Variants in WWC2 observed in about 807,000 individuals in gnomAD.
The protein encoded by WWC2 is protein WWC2.
A neutral mutation model predicts 138.5 loss-of-function variants in WWC2; 101 were observed. That is an observed-to-expected ratio of 0.73 (90% CI 0.62 to 0.86). The LOEUF is 0.86. WWC2 is among the 40% of genes least tolerant of loss of function. The probability of loss-of-function intolerance (pLI) is 0.00; values close to 1 mark genes in which losing one functional copy is unlikely to be tolerated. For missense variants in WWC2, 1,420 were observed against 1,419.4 expected, an observed-to-expected ratio of 1.00 and a Z score of -0.01; for synonymous variants, 558 against 538.4, an observed-to-expected ratio of 1.04 and a Z score of -0.50.
At chr4:183,271,470 C>A (rs185245131) in intron 16 of WWC2, among the ~76,000 whole-genome samples, 295 of 152,250 alleles carry the variant, frequency 1.9e-3, no homozygotes, top group South Asian at 3.7e-3. Flanking sequence ...GCACTCTTTT[C>A]TGCTCACACT....
chr4:183,108,359 C>T (rs1732112195), intron 1 of WWC2, among the ~76,000 whole-genome samples: 1 of 151,900 alleles, frequency 6.6e-6, no homozygotes, highest in Non-Finnish European at 1.5e-5. Flanking sequence ...CGTAGTAACT[C>T]CAGTCTAATC....
At chr4:183,238,506 T>C (rs1227691545) in intron 4 of WWC2, among the ~76,000 whole-genome samples, 2 of 152,222 alleles carry the variant, frequency 1.3e-5, no homozygotes, top group Non-Finnish European at 2.9e-5. Context: ...CAACGTGGCA[T>C]CTGTGTATCA....
rs73870397 is a variant in WWC2, at chr4:183,248,675, T to A, written c.733-39T>A. On this transcript the variant is annotated intron_variant, in intron 6 of 22. Coordinates refer to ENST00000403733, the MANE Select transcript of WWC2 (RefSeq NM_024949.6). Reference sequence around the variant, plus strand: ...TGGTAGGGAAGGTTTGCTGTCTTACTTGTTAAGCTTTATGAAACACTTTGT... The same window carrying A: ...TGGTAGGGAAGGTTTGCTGTCTTACATGTTAAGCTTTATGAAACACTTTGT... 12,556 of 1,533,338 alleles carry A rather than the reference T, an allele frequency of 8.2e-3. 848 individuals are homozygous for A. In the African/African-American group the frequency reaches 0.15, roughly 18 times the overall value. The allele number at this position is 1,533,338 out of a possible 1,614,324, so 95.0% of individuals were successfully genotyped here. A position where few individuals can be genotyped will look rare whatever the true frequency, so the allele number is the denominator to read the frequency against.
intron 4 of WWC2, among the ~76,000 whole-genome samples, chr4:183,214,684 A>C (rs1309734482): frequency 1.3e-5 from 2 of 151,822 alleles, no homozygotes; most frequent in African/African-American, 2.4e-5. Context: ...CCCAGCTACT[A>C]GGGAGGCTGA....
In WWC2 at chr4:183,247,589, A is replaced by ATACAC. The variant is rs1368113087; in HGVS notation, c.733-1123_733-1122insCACTA. On this transcript the variant is annotated intron_variant, in intron 6 of 22. Coordinates refer to ENST00000403733, the MANE Select transcript of WWC2 (RefSeq NM_024949.6). ...ATATGCTCTATATACTATATACTAT[A>ATACAC]TATATGCTATATATGCTATATATAC... Among the ~76,000 whole-genome samples, 150 of 138,238 alleles carry ATACAC rather than the reference A, an allele frequency of 1.1e-3. 2 individuals are homozygous for ATACAC. Among genetic ancestry groups the ATACAC allele is most frequent in the African/African-American group, 4.0e-3 (143 of 35,624 alleles). 90.7% of individuals were successfully genotyped at this position (138,238 alleles called of 152,430 possible). A position where few individuals can be genotyped will look rare whatever the true frequency, so the allele number is the denominator to read the frequency against.
intron 1 of WWC2, among the ~76,000 whole-genome samples, chr4:183,110,433 T>A (rs1250049766): frequency 2.0e-5 from 1 of 50,434 alleles, no homozygotes; most frequent in African/African-American, 4.9e-5. Flanking sequence ...TGTAGAGCTA[T>A]TTTTTTTTTT....
chr4:183,283,888 A>G (rs775433517), intron 18 of WWC2, among the ~76,000 whole-genome samples: 1 of 152,252 alleles, frequency 6.6e-6, no homozygotes, highest in Non-Finnish European at 1.5e-5. Context: ...GATTCTTTAT[A>G]GAATCACTTT....
rs10012960 is a variant in WWC2 at position 183,142,273 on chromosome 4, T to C, written c.131+42651T>C. The stretch of plus-strand genomic sequence containing the variant: ...CAATAAATGTTAAATATTGCTGTTA[T>C]TAATGTGAATAAGGTCCAGATTTAA... On this transcript the variant is annotated intron_variant, in intron 1 of 22. Coordinates refer to ENST00000403733, the MANE Select transcript of WWC2 (RefSeq NM_024949.6). Among the ~76,000 whole-genome samples the C allele has an allele frequency of 3.3e-3, 500 of 152,354 alleles. 6 individuals are homozygous for C. The highest frequency in any genetic ancestry group is 0.01 in the African/African-American group (419 of 41,594).
chr4:183,266,839 T>C (rs1165577015), intron 14 of WWC2, among the ~76,000 whole-genome samples: 1 of 152,168 alleles, frequency 6.6e-6, no homozygotes, highest in Non-Finnish European at 1.5e-5. Flanking sequence ...TCCTTAATGA[T>C]AGAGTATATT....
chr4:183,137,351 T>A (rs1733153014), intron 1 of WWC2, among the ~76,000 whole-genome samples: 1 of 152,182 alleles, frequency 6.6e-6, no homozygotes, highest in South Asian at 2.1e-4. Context: ...GTCCTTGTTC[T>A]ATAAGCTTTT....
chr4:183,241,748 A>G (rs1736629871), intron 5 of WWC2, among the ~76,000 whole-genome samples: 1 of 151,590 alleles, frequency 6.6e-6, no homozygotes, highest in Non-Finnish European at 1.5e-5. Context: ...TTATTTAGTA[A>G]TTGTTTATCA....
chr4:183,230,104 A>G lies in WWC2; in HGVS notation c.523-10079A>G, dbSNP rs1271105150. Among the ~76,000 whole-genome samples the G allele has an allele frequency of 2.0e-5, 3 of 152,034 alleles. 1 individual carries two copies. Among genetic ancestry groups the G allele is most frequent in the African/African-American group, 7.3e-5 (3 of 41,316 alleles). On this transcript the variant is annotated intron_variant, in intron 4 of 22. Coordinates refer to ENST00000403733, the MANE Select transcript of WWC2 (RefSeq NM_024949.6). ...CCTCTCAAATTAAATTGGGATTAGA[A>G]GCGTGAGCCACCACACCCAGCCTCC...
At chr4:183,136,639 C>T (rs1378315725) in intron 1 of WWC2, among the ~76,000 whole-genome samples, 2 of 152,170 alleles carry the variant, frequency 1.3e-5, no homozygotes, top group African/African-American at 2.4e-5. Flanking sequence ...TTATCCAACC[C>T]GTGGCCTGCG....
chr4:183,215,835 T>C (rs1268649730), intron 4 of WWC2, among the ~76,000 whole-genome samples: 2 of 152,204 alleles, frequency 1.3e-5, no homozygotes, highest in African/African-American at 2.4e-5. Context: ...AATGCCCTTA[T>C]ATCCATAATG....
chr4:183,230,457 A>G (rs1270346512), intron 4 of WWC2, among the ~76,000 whole-genome samples: 1 of 152,198 alleles, frequency 6.6e-6, no homozygotes, highest in African/African-American at 2.4e-5. Flanking sequence ...TAGATGGATC[A>G]CTTGAGGTCA....
At chr4:183,147,225 T>G (rs750019349) in intron 1 of WWC2, among the ~76,000 whole-genome samples, 1 of 152,182 alleles carries the variant, frequency 6.6e-6, no homozygotes, top group African/African-American at 2.4e-5. Context: ...CCCAGATGCT[T>G]ATATATATGT....
intron 1 of WWC2, among the ~76,000 whole-genome samples, chr4:183,193,043 G>T (rs1735035549): frequency 6.6e-6 from 1 of 152,186 alleles, no homozygotes; most frequent in South Asian, 2.1e-4. Context: ...AATACTTGGT[G>T]TATTTGGTTC....
At chr4:183,206,711 T>C (rs1735456844) in intron 2 of WWC2, among the ~76,000 whole-genome samples, 2 of 152,150 alleles carry the variant, frequency 1.3e-5, no homozygotes, top group East Asian at 3.9e-4. Flanking sequence ...AGGGGTCCAG[T>C]ACATGTCTGC....
chr4:183,140,416 T>C (rs901850171), intron 1 of WWC2, among the ~76,000 whole-genome samples: 5 of 152,178 alleles, frequency 3.3e-5, no homozygotes, highest in Non-Finnish European at 5.9e-5. Context: ...CCTGGGAATC[T>C]TCCTTTTCAA....
Sources: allele counts gnomAD v4.1 joint callset (sites outside exome capture counted in the v4.1 genomes callset), GRCh38; gene constraint gnomAD v4.1.1; transcripts MANE v1.5; gene names NCBI Gene and HGNC (gene_info 2026-07-23, HGNC 2026-07-21).